ERC1: variants seen among roughly 807,000 people sequenced by gnomAD.
ERC1 encodes the protein ELKS/RAB6-interacting/CAST family member 1, also known as RAB6 interacting protein 2.
A neutral mutation model predicts 132.0 loss-of-function variants in ERC1; 56 were observed. The observed-to-expected ratio is 0.42, with a 90% CI of 0.34 to 0.53. The LOEUF (loss-of-function observed/expected upper bound fraction) is 0.53. Among genes scored for constraint, ERC1 ranks in the 20% least tolerant of loss-of-function variants. The probability of loss-of-function intolerance (pLI) is 0.03; values close to 1 mark genes in which losing one functional copy is unlikely to be tolerated. For missense variants in ERC1, 1,202 were observed against 1,349.9 expected (o/e 0.89, Z 1.72); for synonymous variants, 478 against 476.1 (o/e 1.00, Z -0.05).
At chr12:1,347,010 C>G (rs2084540016) in intron 15 of ERC1, among the ~76,000 whole-genome samples, 1 of 151,126 alleles carries the variant, frequency 6.6e-6, no homozygotes, top group South Asian at 2.1e-4. Context: ...TGTTTTGATC[C>G]TTTGAGGATG....
chr12:1,026,319 G>GC (rs2154148779), intron 1 of ERC1, among the ~76,000 whole-genome samples: 1 of 152,264 alleles, frequency 6.6e-6, no homozygotes, highest in African/African-American at 2.4e-5. Context: ...AGTACACCTG[G>GC]CCCCACCCTT....
At chr12:1,210,225 T>C (rs1485629755) in intron 12 of ERC1, among the ~76,000 whole-genome samples, 1 of 152,210 alleles carries the variant, frequency 6.6e-6, no homozygotes, top group East Asian at 1.9e-4. Flanking sequence ...GTTGTCCATG[T>C]ATGTGGCTTT....
At chr12:1,023,734 A>G (rs1966701700) in intron 1 of ERC1, among the ~76,000 whole-genome samples, 1 of 152,188 alleles carries the variant, frequency 6.6e-6, no homozygotes, top group South Asian at 2.1e-4. Flanking sequence ...ACAAAGAAGG[A>G]GGAGGGTTAG....
chr12:1,398,407 A>G (rs1429457170), intron 16 of ERC1, among the ~76,000 whole-genome samples: 2 of 152,226 alleles, frequency 1.3e-5, no homozygotes, highest in Non-Finnish European at 2.9e-5. Flanking sequence ...TTAGGAACCA[A>G]AATTTTTCAG....
At chr12:1,314,579 G>A (rs1277617705) in intron 15 of ERC1, among the ~76,000 whole-genome samples, 5 of 152,148 alleles carry the variant, frequency 3.3e-5, no homozygotes, top group Admixed American at 2.6e-4. Flanking sequence ...TTTTTGACAA[G>A]CACACAATGA....
intron 12 of ERC1, among the ~76,000 whole-genome samples, chr12:1,218,446 C>A (rs901518232): frequency 1.3e-5 from 2 of 152,138 alleles, no homozygotes; most frequent in African/African-American, 4.8e-5. Context: ...AGTTGCCACC[C>A]TGTTTCTCTC....
intron 14 of ERC1, among the ~76,000 whole-genome samples, chr12:1,285,409 C>T (rs1033593558): frequency 6.6e-6 from 1 of 151,970 alleles, no homozygotes; most frequent in Admixed American, 6.6e-5. Flanking sequence ...TTTGAAAACA[C>T]CAAGAAAGTC....
At chr12:1,470,325 G>A (rs1438632729) in intron 18 of ERC1, among the ~76,000 whole-genome samples, 1 of 152,058 alleles carries the variant, frequency 6.6e-6, no homozygotes, top group Admixed American at 6.6e-5. Flanking sequence ...AGATTGCCTG[G>A]ACGTGGATCA....
At chr12:1,468,916 T>A (rs1419654664) in intron 18 of ERC1, among the ~76,000 whole-genome samples, 1 of 152,206 alleles carries the variant, frequency 6.6e-6, no homozygotes, top group Non-Finnish European at 1.5e-5. Flanking sequence ...CTGTGCAACC[T>A]TGGGAAGAAA....
At chr12:1,307,244 T>C (rs774697916) in intron 15 of ERC1, among the ~76,000 whole-genome samples, 2 of 152,234 alleles carry the variant, frequency 1.3e-5, no homozygotes, top group East Asian at 1.9e-4. Context: ...TTAATGAGTA[T>C]TGCGTAAAAT....
At chr12:1,376,020 G>A (rs2087868897) in intron 16 of ERC1, among the ~76,000 whole-genome samples, 1 of 152,136 alleles carries the variant, frequency 6.6e-6, no homozygotes, top group Admixed American at 6.5e-5. Context: ...ACAGGCGTGA[G>A]CCACCGTGCC....
intron 18 of ERC1, among the ~76,000 whole-genome samples, chr12:1,466,301 G>C (rs571876532): frequency 6.6e-6 from 1 of 152,218 alleles, no homozygotes; most frequent in African/African-American, 2.4e-5. Flanking sequence ...GTGTCTTTCT[G>C]TATGTCCAGA....
rs770130777 is a variant in ERC1, at chr12:1,028,226, G to C, written c.323G>C (p.Gly108Ala). ...TACGGTGTTCGGATGACTGCTATGG[G>C]TAGTAGCCCCAATATAGCTAGCAGT... ...LPYGVRMTAM[G>A]SSPNIASSGV... Residue 108 changes from glycine (G) to alanine (A), a missense_variant, in exon 2 of 19, where the codon GGT becomes GCT. Physicochemically the swap from Gly to Ala is moderately conservative, Grantham distance 60 (BLOSUM62 0). Coordinates refer to ENST00000360905, the MANE Select transcript of ERC1 (RefSeq NM_178040.4). 2.2e-5 allele frequency: 35 copies of C among 1,614,014 alleles called. No homozygotes were observed. The highest frequency in any genetic ancestry group is 2.9e-5 in the Non-Finnish European group (34 of 1,180,034).
chr12:1,410,525 C>T, intron 17 of ERC1: 1 of 535,872 alleles, frequency 1.9e-6, no homozygotes, highest in Non-Finnish European at 3.1e-6. Flanking sequence ...CACAGTAACT[C>T]TCACATCTCA....
intron 7 of ERC1, among the ~76,000 whole-genome samples, chr12:1,123,983 A>G (rs895204604): frequency 1.3e-5 from 2 of 152,236 alleles, no homozygotes; most frequent in Non-Finnish European, 2.9e-5. Flanking sequence ...GATTCTGTCT[A>G]TAAGTAAACA....
At chr12:1,251,072 G>C (rs1408312496) in intron 13 of ERC1, among the ~76,000 whole-genome samples, 1 of 152,074 alleles carries the variant, frequency 6.6e-6, no homozygotes, top group Non-Finnish European at 1.5e-5. Context: ...TCTGTAATTT[G>C]ATTTAACTCT....
At chr12:1,107,971 A>G (rs1397991216) in intron 4 of ERC1, among the ~76,000 whole-genome samples, 2 of 152,194 alleles carry the variant, frequency 1.3e-5, no homozygotes, top group African/African-American at 4.8e-5. Flanking sequence ...CTGGGGAAGT[A>G]CAGAGTAGTA....
intron 17 of ERC1, among the ~76,000 whole-genome samples, chr12:1,432,966 C>T (rs1249734739): frequency 2.0e-5 from 3 of 152,248 alleles, no homozygotes; most frequent in Non-Finnish European, 4.4e-5. Flanking sequence ...CACCAGCCAA[C>T]CGCCTGCATC....
chr12:1,276,826 C>T (rs1268253751), intron 14 of ERC1, among the ~76,000 whole-genome samples: 1 of 152,166 alleles, frequency 6.6e-6, no homozygotes, highest in Non-Finnish European at 1.5e-5. Context: ...CATCACTGTA[C>T]TTACTAAACA....
Sources: gnomAD v4.1 joint callset for allele counts (sites outside exome capture counted in the v4.1 genomes callset) on GRCh38, gnomAD v4.1.1 for gene constraint, MANE v1.5 for transcripts, NCBI Gene and HGNC (gene_info 2026-07-23, HGNC 2026-07-21) for gene names.